The following CSRNP3 variants were observed in gnomAD, a reference collection of about 807,000 sequenced individuals.
CSRNP3 encodes the protein cysteine/serine-rich nuclear protein 3.
A neutral mutation model predicts 48.0 loss-of-function variants in CSRNP3; 12 were observed. The observed-to-expected ratio is 0.25, with a 90% CI of 0.16 to 0.41. The LOEUF (loss-of-function observed/expected upper bound fraction) is 0.41, where lower values mean the gene tolerates loss of function less well. Among genes scored for constraint, CSRNP3 ranks in the 10% least tolerant of loss-of-function variants. The pLI, the probability that CSRNP3 is intolerant of heterozygous loss-of-function variation, is 1.00. For missense variants in CSRNP3, 580 were observed against 724.4 expected, an observed-to-expected ratio of 0.80 and a Z score of 2.29; for synonymous variants, 263 against 269.7, an observed-to-expected ratio of 0.98 and a Z score of 0.24.
intron 3 of CSRNP3, among the ~76,000 whole-genome samples, chr2:165,544,825 T>C (rs1318927831): frequency 6.6e-6 from 1 of 152,014 alleles, no homozygotes; most frequent in Non-Finnish European, 1.5e-5. Flanking sequence ...GTCATGAAAA[T>C]GATGCCTAAA....
chr2:165,564,412 G>C lies in CSRNP3; in HGVS notation c.-23-30631G>C, dbSNP rs1685273041. ...TAAATTTGGCATTGTATTAATAACA[G>C]ATAGATGGAAAATATAGAAAAAGCC... On this transcript the variant is annotated intron_variant, in intron 3 of 6. Transcript: ENST00000651982. 2.0e-5 allele frequency among the ~76,000 whole-genome samples: 3 copies of C among 152,056 alleles called. No individual in the cohort carries two copies. In the South Asian group the frequency reaches 6.2e-4, roughly 32 times the overall value.
chr2:165,522,026 C>G (rs1167115184), intron 3 of CSRNP3, among the ~76,000 whole-genome samples: 1 of 152,072 alleles, frequency 6.6e-6, no homozygotes, highest in South Asian at 2.1e-4. Flanking sequence ...CATGGTGGCT[C>G]GTGCCTGTAA....
At chr2:165,655,393 G>T (rs1163791228) in intron 4 of CSRNP3, among the ~76,000 whole-genome samples, 1 of 152,176 alleles carries the variant, frequency 6.6e-6, no homozygotes, top group Non-Finnish European at 1.5e-5. Flanking sequence ...TAACAATTGG[G>T]ACATGAGTAA....
chr2:165,602,312 A>C (rs1685929057), intron 4 of CSRNP3, among the ~76,000 whole-genome samples: 1 of 152,178 alleles, frequency 6.6e-6, no homozygotes, highest in Non-Finnish European at 1.5e-5. Flanking sequence ...AGCAGCATAG[A>C]TAAAGGTGCC....
intron 5 of CSRNP3, among the ~76,000 whole-genome samples, chr2:165,672,962 T>C (rs931524912): frequency 2.0e-5 from 3 of 152,040 alleles, no homozygotes; most frequent in African/African-American, 4.8e-5. Context: ...GATAGGCCAG[T>C]GACCAGCCTA....
intron 4 of CSRNP3, among the ~76,000 whole-genome samples, chr2:165,603,820 C>G (rs914761073): frequency 2.0e-5 from 3 of 152,138 alleles, no homozygotes; most frequent in Non-Finnish European, 4.4e-5. Flanking sequence ...ATTTTCTGGC[C>G]ATCTCAAAGC....
At chr2:165,517,278 A>C (rs1038493347) in intron 2 of CSRNP3, among the ~76,000 whole-genome samples, 2 of 152,052 alleles carry the variant, frequency 1.3e-5, no homozygotes, top group Non-Finnish European at 1.5e-5. Context: ...CTGTAATTTT[A>C]AAGAACAACA....
chr2:165,602,604 G>C (rs1441389891), intron 4 of CSRNP3, among the ~76,000 whole-genome samples: 2 of 152,126 alleles, frequency 1.3e-5, no homozygotes, highest in Non-Finnish European at 2.9e-5. Flanking sequence ...ATGCAATAAG[G>C]CCTGTTGTCT....
At position 165,494,527 on chromosome 2, in the gene CSRNP3, T is replaced by C. The variant is rs151176871; in HGVS notation, c.-282-232T>C. Among the ~76,000 whole-genome samples, 199 of 152,240 alleles carry C rather than the reference T, an allele frequency of 1.3e-3. 1 individual carries two copies. The highest frequency in any genetic ancestry group is 2.4e-3 in the Non-Finnish European group (163 of 68,000). ...TCCTTATGCAGCAAATATATTCATA[T>C]TTTTAATTTTTACTTTTTCTTATAA... On this transcript the variant is annotated intron_variant, in intron 1 of 6. Transcript: ENST00000651982.
intron 3 of CSRNP3, among the ~76,000 whole-genome samples, chr2:165,545,444 G>A (rs1685012426): frequency 6.6e-6 from 1 of 152,116 alleles, no homozygotes; most frequent in Non-Finnish European, 1.5e-5. Context: ...AGGCAAGTTA[G>A]GATTGGATTT....
At chr2:165,511,159 A>G (rs985812173) in intron 2 of CSRNP3, among the ~76,000 whole-genome samples, 1 of 152,218 alleles carries the variant, frequency 6.6e-6, no homozygotes, top group Admixed American at 6.5e-5. Flanking sequence ...ATTCAAGTTC[A>G]CTGCTGACCT....
At chr2:165,644,503 TGA>T (rs1686779261) in intron 4 of CSRNP3, among the ~76,000 whole-genome samples, 1 of 152,116 alleles carries the variant, frequency 6.6e-6, no homozygotes, top group Admixed American at 6.6e-5. Flanking sequence ...CATATATAAG[TGA>T]GTTTTAGTGC....
chr2:165,486,103 C>T (rs1020656815), intron 1 of CSRNP3, among the ~76,000 whole-genome samples: 24 of 152,016 alleles, frequency 1.6e-4, no homozygotes, highest in Non-Finnish European at 3.2e-4. Flanking sequence ...GTGCGCGAGC[C>T]GAAGCAGGGC....
At chr2:165,563,482 C>T (rs1317617040) in intron 3 of CSRNP3, among the ~76,000 whole-genome samples, 2 of 152,148 alleles carry the variant, frequency 1.3e-5, no homozygotes, top group Middle Eastern at 3.2e-3. Flanking sequence ...ACTGGAGTCT[C>T]TGTGAATTTG....
At position 165,679,336 on chromosome 2, in the gene CSRNP3, A is replaced by G. The variant is rs1415074495; in HGVS notation, c.1341A>G (p.Pro447=). 3 of 1,613,832 alleles carry G rather than the reference A, an allele frequency of 1.9e-6. No homozygotes were observed. The highest frequency in any genetic ancestry group is 2.5e-6 in the Non-Finnish European group (3 of 1,179,926). Residue 447 remains proline (P), a synonymous_variant, in exon 7 of 7, where the codon CCA becomes CCG. Coordinates refer to ENST00000651982, the MANE Select transcript of CSRNP3 (RefSeq NM_001172173.2). ...YQIDSHIPGT[P]NQISENYSER... is the part of the protein sequence containing the mutation. ...TAGATAGCCACATTCCAGGAACTCC[A>G]AATCAGATCTCTGAGAACTATTCTG...
At chr2:165,655,372 A>G (rs1336346928) in intron 4 of CSRNP3, among the ~76,000 whole-genome samples, 1 of 152,220 alleles carries the variant, frequency 6.6e-6, no homozygotes, top group Non-Finnish European at 1.5e-5. Context: ...ACCGTTGATA[A>G]TTTGGTTTCC....
intron 3 of CSRNP3, among the ~76,000 whole-genome samples, chr2:165,541,124 T>C (rs1684951019): frequency 6.6e-6 from 1 of 151,970 alleles, no homozygotes; most frequent in Admixed American, 6.6e-5. Flanking sequence ...CAGTTACTGT[T>C]TGTAGTTCGA....
At chr2:165,479,384 G>C (rs1207349542) in intron 1 of CSRNP3, among the ~76,000 whole-genome samples, 1 of 152,046 alleles carries the variant, frequency 6.6e-6, no homozygotes, top group Non-Finnish European at 1.5e-5. Context: ...CAAATGCCTG[G>C]GTTTGAATTC....
intron 4 of CSRNP3, among the ~76,000 whole-genome samples, chr2:165,599,279 GAGAGAGAAAGAAAGAAAGAAAGAAAGAA>G (rs1243080618): frequency 1.4e-5 from 1 of 73,126 alleles, no homozygotes; most frequent in Non-Finnish European, 2.6e-5. Context: ...AAGAAAGAGA[GAGAGAGAAAGAAAGAAAGAAAGAAAGAA>G]AGAAAGAAAG....
Sources: allele counts gnomAD v4.1 joint callset (sites outside exome capture counted in the v4.1 genomes callset), GRCh38; gene constraint gnomAD v4.1.1; transcripts MANE v1.5; gene names NCBI Gene and HGNC (gene_info 2026-07-23, HGNC 2026-07-21).